MAP7D3: variants seen among roughly 807,000 people sequenced by gnomAD.
MAP7D3 encodes the protein MAP7 domain-containing protein 3.
A neutral mutation model predicts 62.2 loss-of-function variants in MAP7D3; 45 were observed. That is an observed-to-expected ratio of 0.72 (90% CI 0.57 to 0.93). The LOEUF (loss-of-function observed/expected upper bound fraction) is 0.93, where lower values mean the gene tolerates loss of function less well. Among genes scored for constraint, MAP7D3 ranks in the 40% least tolerant of loss-of-function variants. The pLI, the probability that MAP7D3 is intolerant of heterozygous loss-of-function variation, is 0.00. For synonymous variants in MAP7D3, 288 were observed against 248.8 expected (o/e 1.16, Z -1.48); for missense variants, 711 against 683.1 (o/e 1.04, Z -0.45).
Position 136,222,420 on chromosome X carries a change from C to A in MAP7D3, c.2260G>T (p.Asp754Tyr), listed in dbSNP as rs2074140390. The change falls in exon 15 of 19, where the codon GAC becomes TAC. Residue 754 changes from aspartate to tyrosine, a missense_variant. Physicochemically the swap from Asp to Tyr is radical, Grantham distance 160. Coordinates refer to ENST00000316077, the MANE Select transcript of MAP7D3 (RefSeq NM_024597.4). ...GATGGAAACATTTCATTCAATGAGT[C>A]CTTGTCGCTTTCTTCGTTGTCAGCC... ...AEADNEESDK[D>Y]SLNEMFPSAI... 1 of 1,207,516 alleles carries A rather than the reference C, an allele frequency of 8.3e-7. No individual in the cohort carries two copies. Among genetic ancestry groups the A allele is most frequent in the Admixed American group, 2.2e-5 (1 of 45,690 alleles).
chrX:136,247,418 A>G (rs2074459443), intron 1 of MAP7D3, among the ~76,000 whole-genome samples: 1 of 111,743 alleles, frequency 8.9e-6, no homozygotes, highest in Non-Finnish European at 1.9e-5. Context: ...GTTTCTATGT[A>G]TTGAGAAAAA....
chrX:136,220,657 G>A, intron 16 of MAP7D3, 108 bp downstream of exon 16: 1 of 639,428 alleles, frequency 1.6e-6, no homozygotes, highest in Non-Finnish European at 2.5e-6. Flanking sequence ...ATGTGACATG[G>A]TGTTTGGTAC....
chrX:136,251,292 T>C lies in MAP7D3; in HGVS notation c.67A>G (p.Met23Val). 8.8e-7 allele frequency: 1 copy of C among 1,131,996 alleles called. No individual in the cohort carries two copies. The highest frequency in any genetic ancestry group is 1.2e-6 in the Non-Finnish European group (1 of 861,510). The allele number at this position is 1,131,996 out of a possible 1,213,427, so 93.3% of individuals were successfully genotyped here. A position where few individuals can be genotyped will look rare whatever the true frequency, so the allele number is the denominator to read the frequency against. ...CGGGAGCCACCCGCCCGCTCACCCA[T>C]CCGTGCCCGCAGCTCTCTCAAGGAT... ...SPSLRELRAR[M>V]VAAANEIAKE... Residue 23 changes from methionine (M) to valine (V), a missense_variant, in exon 1 of 19, where the codon ATG (methionine) becomes GTG (valine). Physicochemically the swap from Met to Val is conservative, Grantham distance 21. Transcript: ENST00000316077.
At chrX:136,234,001 A>G (rs1214035042) in intron 7 of MAP7D3, among the ~76,000 whole-genome samples, 1 of 111,301 alleles carries the variant, frequency 9.0e-6, no homozygotes, top group Non-Finnish European at 1.9e-5. Context: ...GGAGACTGGC[A>G]GAAAATAACC....
In MAP7D3 at chrX:136,241,180, G is replaced by A. The variant is rs199615957; in HGVS notation, c.515C>T (p.Ala172Val). 74 of 1,161,594 alleles carry A rather than the reference G, an allele frequency of 6.4e-5. No individual in the cohort carries two copies. Among genetic ancestry groups the A allele is most frequent in the African/African-American group, 3.9e-4 (22 of 55,916 alleles). The change falls in exon 5 of 19, where the codon GCG becomes GTG. Residue 172 changes from alanine (A) to valine (V), a missense_variant. Transcript: ENST00000316077. ...KRWSWGGSAM[A>V]NSESKTANKR... is the part of the protein sequence containing the mutation. ...ATTACCAGTTTTGCTCTCAGAATTCGCCATTGCAGAGCCTCCCCATGACCA... is the reference window on the plus strand; with the variant it reads ...ATTACCAGTTTTGCTCTCAGAATTCACCATTGCAGAGCCTCCCCATGACCA...
chrX:136,229,986 TATATA>T (rs1219039095), intron 10 of MAP7D3, among the ~76,000 whole-genome samples: 31 of 62,252 alleles, frequency 5.0e-4, no homozygotes, highest in African/African-American at 1.0e-3. Flanking sequence ...TATATATATA[TATATA>T]TATTTTTTTT....
intron 6 of MAP7D3, among the ~76,000 whole-genome samples, chrX:136,239,873 A>G (rs1008074820): frequency 2.7e-5 from 3 of 112,140 alleles, no homozygotes; most frequent in African/African-American, 9.7e-5. Flanking sequence ...CAATAATCCC[A>G]TCTGATATGA....
At chrX:136,247,742 T>C (rs1028021957) in intron 1 of MAP7D3, among the ~76,000 whole-genome samples, 1 of 111,202 alleles carries the variant, frequency 9.0e-6, no homozygotes, top group East Asian at 2.8e-4. Flanking sequence ...TGAGCACTAG[T>C]ATATTAACAA....
intron 4 of MAP7D3, among the ~76,000 whole-genome samples, chrX:136,241,894 T>G (rs142157974): frequency 0.011 from 1,232 of 111,599 alleles, 13 homozygotes; most frequent in Middle Eastern, 0.042. Flanking sequence ...CTATACAAAG[T>G]AAATACCATG....
intron 14 of MAP7D3, among the ~76,000 whole-genome samples, chrX:136,223,501 G>C (rs1184042261): frequency 9.0e-6 from 1 of 110,578 alleles, no homozygotes; most frequent in Non-Finnish European, 1.9e-5. Context: ...CATTAGGAGA[G>C]TGTGAGGCAA....
At chrX:136,226,240 G>A (rs2074195984) in intron 12 of MAP7D3, among the ~76,000 whole-genome samples, 1 of 111,151 alleles carries the variant, frequency 9.0e-6, no homozygotes, top group Admixed American at 9.6e-5. Context: ...CAGGACCACA[G>A]GGTCATTGTT....
intron 4 of MAP7D3, among the ~76,000 whole-genome samples, chrX:136,243,794 G>A (rs1326385644): frequency 9.0e-6 from 1 of 111,358 alleles, no homozygotes; most frequent in Non-Finnish European, 1.9e-5. Flanking sequence ...AGATTCAGAA[G>A]GAGTGAAGCA....
chrX:136,216,408 GAAGAAGA>G (rs1186568991), downstream of MAP7D3, among the ~76,000 whole-genome samples: 183 of 74,327 alleles, frequency 2.5e-3, 1 homozygote, highest in African/African-American at 5.8e-3. Context: ...GAAAGAAGAA[GAAGAAGA>G]AAGAAGAAAG....
At chrX:136,249,235 A>G (rs760217488) in intron 1 of MAP7D3, among the ~76,000 whole-genome samples, 1 of 112,044 alleles carries the variant, frequency 8.9e-6, no homozygotes, top group South Asian at 3.7e-4. Flanking sequence ...GGTTTCTCCA[A>G]CTCTAAAATT....
Position 136,241,252 on chromosome X carries a change from C to T in MAP7D3, c.443G>A (p.Arg148His), listed in dbSNP as rs764678376. 3.7e-5 allele frequency: 42 copies of T among 1,148,363 alleles called. No homozygotes were observed. The highest frequency in any genetic ancestry group is 2.6e-4 in the Admixed American group (10 of 38,589). The allele number at this position is 1,148,363 out of a possible 1,213,427, so 94.6% of individuals were successfully genotyped here. The part of the protein sequence containing the change: ...QKEKFTAILY[R>H]TLERRRLADD... ...AGCAAGTCTCCTCCGTTCCAAAGTA[C>T]GATAAAGAATGGCTGTAAATTTTTC... The change falls in exon 5 of 19, where the codon CGT becomes CAT. Residue 148 changes from arginine (R) to histidine (H), a missense_variant. By Grantham distance (29) the Arg-to-His change is conservative. Transcript: ENST00000316077.
intron 1 of MAP7D3, among the ~76,000 whole-genome samples, chrX:136,248,670 A>G (rs1481433042): frequency 8.9e-6 from 1 of 112,502 alleles, no homozygotes; most frequent in Non-Finnish European, 1.9e-5. Context: ...TATTTATAGA[A>G]CTTTTCTAAA....
In MAP7D3 at chrX:136,217,296, C is replaced by A. The variant is rs1341189577; in HGVS notation, c.*1230G>T. 2 of 112,187 alleles carry A rather than the reference C, an allele frequency of 1.8e-5. No individual in the cohort carries two copies. The highest frequency in any genetic ancestry group is 3.8e-5 in the Non-Finnish European group (2 of 53,178). The allele number at this position is 112,187 out of a possible 1,213,427, so 9.2% of individuals were successfully genotyped here. ...AAGCAAATTTTGGTTGTATCTCAAG[C>A]CTGAGTGTATACTCAACGACAGAAC... On this transcript the variant is annotated 3_prime_UTR_variant, in exon 19 of 19. Transcript: ENST00000316077.
chrX:136,214,224 AT>A (rs2148391744), downstream of MAP7D3: 1 of 112,064 alleles, frequency 8.9e-6, no homozygotes, highest in South Asian at 3.8e-4. Context: ...AGTTGGGGAA[AT>A]TAGAATCAGA....
chrX:136,235,349 C>A (rs1184715198), intron 7 of MAP7D3, among the ~76,000 whole-genome samples: 3 of 112,143 alleles, frequency 2.7e-5, no homozygotes, highest in Non-Finnish European at 5.6e-5. Flanking sequence ...TAGGATTTGA[C>A]CTGAATCAAT....
Sources: gnomAD v4.1 joint callset for allele counts (sites outside exome capture counted in the v4.1 genomes callset) on GRCh38, gnomAD v4.1.1 for gene constraint, MANE v1.5 for transcripts, NCBI Gene and HGNC (gene_info 2026-07-23, HGNC 2026-07-21) for gene names.